The following HS6ST3 variants were observed in gnomAD, a reference collection of about 807,000 sequenced individuals.
The protein encoded by HS6ST3 is heparan sulfate 6-O-sulfotransferase 3, also known as heparan-sulfate 6-O-sulfotransferase 3.
A neutral mutation model predicts 36.7 loss-of-function variants in HS6ST3; 12 were observed. The observed-to-expected ratio is 0.33, with a 90% CI of 0.21 to 0.53. The LOEUF is 0.53. HS6ST3 is among the 20% of genes least tolerant of loss of function. HS6ST3 has a pLI of 0.95. For synonymous variants in HS6ST3, 240 were observed against 257.5 expected (o/e 0.93, Z 0.65); for missense variants, 584 against 640.9 (o/e 0.91, Z 0.96).
intron 1 of HS6ST3, among the ~76,000 whole-genome samples, chr13:96,664,998 C>T (rs573057533): frequency 2.4e-4 from 36 of 151,994 alleles, no homozygotes; most frequent in African/African-American, 5.1e-4. Context: ...ATGGTGAAAC[C>T]GCGTCTCTAC....
At chr13:96,679,371 C>G (rs2056710415) in intron 1 of HS6ST3, among the ~76,000 whole-genome samples, 1 of 152,000 alleles carries the variant, frequency 6.6e-6, no homozygotes, top group African/African-American at 2.4e-5. Context: ...TTAAAGCCCA[C>G]TGCCACATCC....
At chr13:96,470,222 A>G (rs1472311943) in intron 1 of HS6ST3, among the ~76,000 whole-genome samples, 1 of 152,150 alleles carries the variant, frequency 6.6e-6, no homozygotes, top group African/African-American at 2.4e-5. Context: ...ATATGAATCT[A>G]TTACAAAAGG....
chr13:96,803,804 A>G (rs1566457787), intron 1 of HS6ST3, among the ~76,000 whole-genome samples: 1 of 152,174 alleles, frequency 6.6e-6, no homozygotes, highest in Non-Finnish European at 1.5e-5. Context: ...TTTTGTTTCT[A>G]TTCCATAATG....
At chr13:96,460,977 G>A (rs2055781525) in intron 1 of HS6ST3, among the ~76,000 whole-genome samples, 1 of 152,188 alleles carries the variant, frequency 6.6e-6, no homozygotes, top group African/African-American at 2.4e-5. Context: ...CCCACTGTAG[G>A]CTTTTAATTG....
At chr13:96,165,967 A>G (rs1288764678) in intron 1 of HS6ST3, among the ~76,000 whole-genome samples, 1 of 152,212 alleles carries the variant, frequency 6.6e-6, no homozygotes, top group Non-Finnish European at 1.5e-5. Context: ...GAGGGAGACC[A>G]GAACACAGTC....
At chr13:96,727,270 C>T (rs1876027984) in intron 1 of HS6ST3, among the ~76,000 whole-genome samples, 1 of 152,058 alleles carries the variant, frequency 6.6e-6, no homozygotes, top group African/African-American at 2.4e-5. Context: ...TATGGGCTTG[C>T]TGTGAATAAT....
intron 1 of HS6ST3, among the ~76,000 whole-genome samples, chr13:96,187,159 T>A (rs188099981): frequency 5.9e-5 from 9 of 152,346 alleles, no homozygotes; most frequent in Admixed American, 6.5e-5. Context: ...AGAACACTCT[T>A]TGAGTCTGGG....
chr13:96,681,480 A>G (rs1383548830), intron 1 of HS6ST3, among the ~76,000 whole-genome samples: 3 of 152,136 alleles, frequency 2.0e-5, no homozygotes, highest in African/African-American at 4.8e-5. Flanking sequence ...AACTGATCCT[A>G]TCACTCACCT....
chr13:96,288,790 T>C (rs1566312767), intron 1 of HS6ST3, among the ~76,000 whole-genome samples: 1 of 152,046 alleles, frequency 6.6e-6, no homozygotes. Context: ...TTATTAACAA[T>C]GTTTTGTAGG....
intron 1 of HS6ST3, among the ~76,000 whole-genome samples, chr13:96,776,594 G>A (rs1877392118): frequency 6.6e-6 from 1 of 152,192 alleles, no homozygotes; most frequent in Non-Finnish European, 1.5e-5. Context: ...ACATGTAGAA[G>A]AAATTGATGA....
At chr13:96,476,933 G>A (rs781549349) in intron 1 of HS6ST3, among the ~76,000 whole-genome samples, 15 of 152,156 alleles carry the variant, frequency 9.9e-5, no homozygotes, top group Non-Finnish European at 1.8e-4. Flanking sequence ...GAAATCAATT[G>A]TAAGGAGGAA....
Position 96,511,721 on chromosome 13 carries a change from T to A in HS6ST3, c.708-320769T>A, listed in dbSNP as rs2138920288. Among the ~76,000 whole-genome samples the A allele has an allele frequency of 1.3e-5, 2 of 152,154 alleles. 1 individual carries two copies. Among genetic ancestry groups the A allele is most frequent in the South Asian group, 4.2e-4 (2 of 4,810 alleles). Reference sequence around the variant, plus strand: ...CTTGGTGTCCTTAGGTGAACAGAATTTTTTAATTTAATCAAATCCATCAGT... The same window carrying A: ...CTTGGTGTCCTTAGGTGAACAGAATATTTTAATTTAATCAAATCCATCAGT... On this transcript the variant is annotated intron_variant, in intron 1 of 1. Coordinates refer to ENST00000376705, the MANE Select transcript of HS6ST3 (RefSeq NM_153456.4).
chr13:96,761,324 A>G (rs1876966269), intron 1 of HS6ST3, among the ~76,000 whole-genome samples: 1 of 151,762 alleles, frequency 6.6e-6, no homozygotes. Flanking sequence ...GTCCACTCCT[A>G]TTCCTCTTTT....
At chr13:96,617,043 C>T (rs1452817858) in intron 1 of HS6ST3, among the ~76,000 whole-genome samples, 1 of 152,174 alleles carries the variant, frequency 6.6e-6, no homozygotes, top group Non-Finnish European at 1.5e-5. Flanking sequence ...ATACCTAGTG[C>T]TGGCATCTTA....
chr13:96,139,206 G>A (rs2054017349), intron 1 of HS6ST3, among the ~76,000 whole-genome samples: 1 of 151,998 alleles, frequency 6.6e-6, no homozygotes, highest in Non-Finnish European at 1.5e-5. Flanking sequence ...GAACGCTTTG[G>A]ATATTAATAT....
chr13:96,607,870 A>G (rs889137614), intron 1 of HS6ST3, among the ~76,000 whole-genome samples: 1 of 152,180 alleles, frequency 6.6e-6, no homozygotes, highest in Non-Finnish European at 1.5e-5. Context: ...AAAGCGAGTA[A>G]CCTCAAGAGA....
intron 1 of HS6ST3, chr13:96,574,113 G>A (rs996461766): frequency 1.7e-5 from 9 of 539,336 alleles, no homozygotes; most frequent in Non-Finnish European, 3.4e-5. Context: ...CTTTATTCAG[G>A]TCTCAGGGAA....
chr13:96,518,053 T>C (rs2056079547), intron 1 of HS6ST3, among the ~76,000 whole-genome samples: 1 of 152,152 alleles, frequency 6.6e-6, no homozygotes, highest in African/African-American at 2.4e-5. Context: ...ATTGTGTCTT[T>C]TGCAGGAACA....
intron 1 of HS6ST3, among the ~76,000 whole-genome samples, chr13:96,151,905 G>A (rs1327640): frequency 0.87 from 132,356 of 152,226 alleles, 57,707 homozygotes; most frequent in East Asian, 0.91. Flanking sequence ...GATACTTCTC[G>A]TAGTGGATTA....
Sources: gnomAD v4.1 joint callset for allele counts (sites outside exome capture counted in the v4.1 genomes callset) on GRCh38, gnomAD v4.1.1 for gene constraint, MANE v1.5 for transcripts, NCBI Gene and HGNC (gene_info 2026-07-23, HGNC 2026-07-21) for gene names.